C1orf226: variants seen among roughly 807,000 people sequenced by gnomAD.
The protein encoded by C1orf226 is uncharacterized protein C1orf226.
Under a neutral mutation model 10.5 loss-of-function variants are expected in C1orf226, and 4 were observed. The observed-to-expected ratio is 0.38, with a 90% CI of 0.19 to 0.87. The LOEUF (loss-of-function observed/expected upper bound fraction) is 0.87, where lower values mean the gene tolerates loss of function less well. Among genes scored for constraint, C1orf226 ranks in the 40% least tolerant of loss-of-function variants. The pLI is 0.41. For missense variants in C1orf226, 313 were observed against 336.2 expected (o/e 0.93, Z 0.54); for synonymous variants, 125 against 139.3 (o/e 0.90, Z 0.72).
rs1353412472 is a variant in C1orf226, at chr1:162,383,803, A to T, written c.*120A>T. 8 of 995,116 alleles carry T rather than the reference A, an allele frequency of 8.0e-6. No individual in the cohort carries two copies. Among genetic ancestry groups the T allele is most frequent in the Non-Finnish European group, 1.1e-5 (8 of 698,714 alleles). 61.6% of individuals were successfully genotyped at this position (995,116 alleles called of 1,614,324 possible). ...CTTTGTCTTCCTTGTATGAGGCACC[A>T]GCAGAGAGCCAGTCGTCCATCATGG... On this transcript the variant is annotated 3_prime_UTR_variant, in exon 2 of 2. Transcript: ENST00000458626.
Position 162,386,734 on chromosome 1 carries a change from A to AT in C1orf226, c.*3057dup, listed in dbSNP as rs1648119280. The AT allele has an allele frequency of 1.3e-5, 2 of 152,198 alleles. No individual in the cohort carries two copies. Among genetic ancestry groups the AT allele is most frequent in the African/African-American group, 2.4e-5 (1 of 41,436 alleles). 9.4% of individuals were successfully genotyped at this position (152,198 alleles called of 1,614,324 possible). A position where few individuals can be genotyped will look rare whatever the true frequency, so the allele number is the denominator to read the frequency against. On this transcript the variant is annotated 3_prime_UTR_variant, in exon 2 of 2. Coordinates refer to ENST00000458626, the MANE Select transcript of C1orf226 (RefSeq NM_001085375.2). ...GGAAGATTACAGATCTATTCTGAGTATTTTTTAGAGAGTTAATATTTATAT... is the reference window on the plus strand; with the variant it reads ...GGAAGATTACAGATCTATTCTGAGTATTTTTTTAGAGAGTTAATATTTATAT...
rs1308114863 is a variant in C1orf226 at position 162,381,930 on chromosome 1, C to T, written c.29C>T (p.Thr10Ile). 6.2e-7 allele frequency: 1 copy of T among 1,612,940 alleles called. No individual in the cohort carries two copies. Among genetic ancestry groups the T allele is most frequent in the Non-Finnish European group, 8.5e-7 (1 of 1,179,902 alleles). The change falls in exon 1 of 2, where the codon ACT (threonine) becomes ATT (isoleucine). Residue 10 changes from threonine to isoleucine, a missense_variant. By Grantham distance (89) the Thr-to-Ile change is moderately conservative. Coordinates refer to ENST00000458626, the MANE Select transcript of C1orf226 (RefSeq NM_001085375.2). MFENLNTAL[T>I]PKLQASRSFP... Reference sequence around the variant, plus strand: ...TTTGAGAATTTGAACACAGCCCTCACTCCAAAGCTCCAGGCCAGCCGCTCC... The same window carrying T: ...TTTGAGAATTTGAACACAGCCCTCATTCCAAAGCTCCAGGCCAGCCGCTCC...
upstream of C1orf226, among the ~76,000 whole-genome samples, chr1:162,379,910 G>C (rs1647854812): frequency 6.6e-6 from 1 of 152,222 alleles, no homozygotes; most frequent in Non-Finnish European, 1.5e-5. Flanking sequence ...TCTGATTTGG[G>C]AAGTGGTGGC....
chr1:162,381,981 C>A lies in C1orf226; in HGVS notation c.80C>A (p.Ala27Asp), dbSNP rs1194414714. ...RSFPHLSKPV[A>D]PGSAPLGSGE... is the part of the protein sequence containing the mutation. Reference sequence around the variant, plus strand: ...TTCCCCCACTTGTCCAAGCCCGTGGCCCCCGGCTCTGCCCCTCTGGGCTCT... The same window carrying A: ...TTCCCCCACTTGTCCAAGCCCGTGGACCCCGGCTCTGCCCCTCTGGGCTCT... Residue 27 changes from alanine (A) to aspartate (D), a missense_variant, in exon 1 of 2, where the codon GCC (alanine) becomes GAC (aspartate). Transcript: ENST00000458626. 2 of 1,612,884 alleles carry A rather than the reference C, an allele frequency of 1.2e-6. No individual in the cohort carries two copies. The highest frequency in any genetic ancestry group is 1.6e-4 in the Middle Eastern group (1 of 6,062).
chr1:162,382,121 C>T lies in C1orf226; in HGVS notation c.220C>T (p.Leu74=). ...DFLRRKEPSS[L]GSVGVTEINK... ...CCTGAGGAGAAAGGAGCCCTCCAGCCTGGGCAGTGTGGGTGTGACAGAGAT... is the reference window on the plus strand; with the variant it reads ...CCTGAGGAGAAAGGAGCCCTCCAGCTTGGGCAGTGTGGGTGTGACAGAGAT... Residue 74 remains leucine (L), a synonymous_variant, in exon 1 of 2, where the codon CTG becomes TTG. Transcript: ENST00000458626. The T allele has an allele frequency of 6.3e-7, 1 of 1,589,980 alleles. No individual in the cohort carries two copies. Among genetic ancestry groups the T allele is most frequent in the Non-Finnish European group, 8.6e-7 (1 of 1,168,272 alleles).
At chr1:162,380,824 A>G (rs948656932), upstream of C1orf226, among the ~76,000 whole-genome samples, 8 of 152,212 alleles carry the variant, frequency 5.3e-5, no homozygotes, top group African/African-American at 1.9e-4. Flanking sequence ...ACAATTTTCT[A>G]TCTACAAAAT....
In C1orf226 at chr1:162,383,932, C is replaced by T; in HGVS notation, c.*249C>T. On this transcript the variant is annotated 3_prime_UTR_variant, in exon 2 of 2. Transcript: ENST00000458626. ...TTTTGAGCCTAATTTTCTGTAACCTCCTCTGAGTGGGCTGCAGCCCTTGGA... is the reference window on the plus strand; with the variant it reads ...TTTTGAGCCTAATTTTCTGTAACCTTCTCTGAGTGGGCTGCAGCCCTTGGA... 1 of 526,484 alleles carries T rather than the reference C, an allele frequency of 1.9e-6. No individual in the cohort carries two copies. The highest frequency in any genetic ancestry group is 3.3e-6 in the Non-Finnish European group (1 of 298,892). The allele number at this position is 526,484 out of a possible 1,614,324, so 32.6% of individuals were successfully genotyped here.
upstream of C1orf226, among the ~76,000 whole-genome samples, chr1:162,380,071 G>A (rs1177240204): frequency 6.6e-6 from 1 of 152,242 alleles, no homozygotes; most frequent in Non-Finnish European, 1.5e-5. Context: ...TGTGGGACCT[G>A]ACAGGCAAAT....
rs1648092736 is a variant in C1orf226 at position 162,385,851 on chromosome 1, C to T, written c.*2168C>T. 6.6e-6 allele frequency: 1 copy of T among 152,104 alleles called. No individual in the cohort carries two copies. Among genetic ancestry groups the T allele is most frequent in the South Asian group, 2.1e-4 (1 of 4,826 alleles). 9.4% of individuals were successfully genotyped at this position (152,104 alleles called of 1,614,324 possible). On this transcript the variant is annotated 3_prime_UTR_variant, in exon 2 of 2. Coordinates refer to ENST00000458626, the MANE Select transcript of C1orf226 (RefSeq NM_001085375.2). ...TCCTGGAGCCCAGGGCGGCTCTGGCCCGATGATATGGCAGCCATAGGTACA... is the reference window on the plus strand; with the variant it reads ...TCCTGGAGCCCAGGGCGGCTCTGGCTCGATGATATGGCAGCCATAGGTACA...
At chr1:162,382,695 C>T (rs190890314) in intron 1 of C1orf226, among the ~76,000 whole-genome samples, 14 of 152,256 alleles carry the variant, frequency 9.2e-5, no homozygotes, top group South Asian at 6.2e-4. Context: ...AGCTGAGAAG[C>T]GCTGCCGTAG....
At chr1:162,379,598 G>T (rs1647845630), upstream of C1orf226, among the ~76,000 whole-genome samples, 3 of 152,186 alleles carry the variant, frequency 2.0e-5, no homozygotes, top group Non-Finnish European at 1.5e-5. Context: ...TTAAGACAAG[G>T]TGTATTTACT....
chr1:162,384,063 A>T lies in C1orf226; in HGVS notation c.*380A>T, dbSNP rs1022042001. ...CAGGAATTCTTTTTGCCTGTCCCCT[A>T]CATGCGCCTCCTCCCCTGCTGTTCT... On this transcript the variant is annotated 3_prime_UTR_variant, in exon 2 of 2. Transcript: ENST00000458626. The T allele has an allele frequency of 2.5e-5, 5 of 204,042 alleles. No individual in the cohort carries two copies. Among genetic ancestry groups the T allele is most frequent in the South Asian group, 1.3e-4 (1 of 7,890 alleles). 12.6% of individuals were successfully genotyped at this position (204,042 alleles called of 1,614,324 possible).
In C1orf226 at chr1:162,384,585, C is replaced by T. The variant is rs1648046863; in HGVS notation, c.*902C>T. The T allele has an allele frequency of 6.5e-6, 1 of 153,018 alleles. No individual in the cohort carries two copies. Among genetic ancestry groups the T allele is most frequent in the East Asian group, 1.9e-4 (1 of 5,184 alleles). 9.5% of individuals were successfully genotyped at this position (153,018 alleles called of 1,614,324 possible). On this transcript the variant is annotated 3_prime_UTR_variant, in exon 2 of 2. Transcript: ENST00000458626. ...TGGCATTCAGAGCTGGTGCTAAAAA[C>T]CCAGAGCAGAAGCAGGGAGAAGGGA...
At position 162,382,016 on chromosome 1, in the gene C1orf226, G is replaced by A; in HGVS notation, c.115G>A (p.Gly39Arg). 1 of 1,612,078 alleles carries A rather than the reference G, an allele frequency of 6.2e-7. No homozygotes were observed. Among genetic ancestry groups the A allele is most frequent in the Non-Finnish European group, 8.5e-7 (1 of 1,179,418 alleles). The part of the protein sequence containing the change: ...GSAPLGSGEP[G>R]GPGLWVGSSQ... ...TGCCCCTCTGGGCTCTGGTGAGCCTGGGGGGCCAGGACTCTGGGTGGGCAG... is the reference window on the plus strand; with the variant it reads ...TGCCCCTCTGGGCTCTGGTGAGCCTAGGGGGCCAGGACTCTGGGTGGGCAG... The change falls in exon 1 of 2, where the codon GGG becomes AGG. Residue 39 changes from glycine to arginine, a missense_variant. By Grantham distance (125) the Gly-to-Arg change is moderately radical (BLOSUM62 -2). Coordinates refer to ENST00000458626, the MANE Select transcript of C1orf226 (RefSeq NM_001085375.2).
upstream of C1orf226, among the ~76,000 whole-genome samples, chr1:162,380,862 GAGCACA>G (rs1647882339): frequency 6.6e-6 from 1 of 152,208 alleles, no homozygotes; most frequent in Non-Finnish European, 1.5e-5. Flanking sequence ...GATCTGTATT[GAGCACA>G]GCTAGGTACC....
Position 162,383,414 on chromosome 1 carries a change from G to C in C1orf226, c.550G>C (p.Glu184Gln), listed in dbSNP as rs761925251. 2.9e-5 allele frequency: 46 copies of C among 1,590,324 alleles called. No individual in the cohort carries two copies. Among genetic ancestry groups the C allele is most frequent in the Non-Finnish European group, 3.6e-5 (42 of 1,168,288 alleles). Residue 184 changes from glutamate (E) to glutamine (Q), a missense_variant, in exon 2 of 2, where the codon GAA becomes CAA. Transcript: ENST00000458626. Reference protein sequence around the residue: ...ASQPEATMEREERGKVLPNGE... With the variant: ...ASQPEATMERQERGKVLPNGE... ...ACAGCCAGAGGCCACCATGGAAAGA[G>C]AAGAGAGAGGCAAAGTTCTGCCCAA...
Position 162,383,192 on chromosome 1 carries a change from C to G in C1orf226, c.328C>G (p.Gln110Glu), listed in dbSNP as rs904914940. The change falls in exon 2 of 2, where the codon CAA (glutamine) becomes GAA (glutamate). Residue 110 changes from glutamine (Q) to glutamate (E), a missense_variant. Coordinates refer to ENST00000458626, the MANE Select transcript of C1orf226 (RefSeq NM_001085375.2). ...TCATTAACCTTACAGGTCAGTCCTGCAAGAAACATTTCCTCGGCTGGATCC... is the reference window on the plus strand; with the variant it reads ...TCATTAACCTTACAGGTCAGTCCTGGAAGAAACATTTCCTCGGCTGGATCC... ...AWLEDERSVL[Q>E]ETFPRLDPPP... The G allele has an allele frequency of 6.3e-7, 1 of 1,589,064 alleles. No individual in the cohort carries two copies. The highest frequency in any genetic ancestry group is 2.2e-5 in the East Asian group (1 of 44,612).
At position 162,381,933 on chromosome 1, in the gene C1orf226, C is replaced by T. The variant is rs747147699; in HGVS notation, c.32C>T (p.Pro11Leu). 3.7e-6 allele frequency: 6 copies of T among 1,612,942 alleles called. No homozygotes were observed. The highest frequency in any genetic ancestry group is 4.2e-6 in the Non-Finnish European group (5 of 1,179,902). Reference sequence around the variant, plus strand: ...GAGAATTTGAACACAGCCCTCACTCCAAAGCTCCAGGCCAGCCGCTCCTTC... The same window carrying T: ...GAGAATTTGAACACAGCCCTCACTCTAAAGCTCCAGGCCAGCCGCTCCTTC... MFENLNTALT[P>L]KLQASRSFPH... Residue 11 changes from proline to leucine, a missense_variant, in exon 1 of 2, where the codon CCA becomes CTA. Physicochemically the swap from Pro to Leu is moderately conservative, Grantham distance 98. Transcript: ENST00000458626.
intron 1 of C1orf226, 47 bp downstream of exon 1, chr1:162,382,265 T>C: frequency 1.3e-6 from 2 of 1,530,642 alleles, no homozygotes; most frequent in Non-Finnish European, 1.8e-6. Flanking sequence ...GTGGACCCAC[T>C]TGAAAAGGTA....
Sources: allele counts gnomAD v4.1 joint callset (sites outside exome capture counted in the v4.1 genomes callset), GRCh38; gene constraint gnomAD v4.1.1; transcripts MANE v1.5; gene names NCBI Gene and HGNC (gene_info 2026-07-23, HGNC 2026-07-21).